The following PKD1L1 variants were observed in gnomAD, a reference collection of about 807,000 sequenced individuals.
PKD1L1 encodes polycystin 1 like 1, transient receptor potential channel interacting.
A neutral mutation model predicts 323.4 loss-of-function variants in PKD1L1; 236 were observed. The ratio of observed to expected loss-of-function variants is 0.73; its 90% confidence interval spans 0.66 to 0.81. PKD1L1 has a LOEUF of 0.81. Among genes scored for constraint, PKD1L1 ranks in the 40% least tolerant of loss-of-function variants. The pLI is 0.00. For missense variants in PKD1L1, 3,320 were observed against 3,508.0 expected, an observed-to-expected ratio of 0.95 and a Z score of 1.35; for synonymous variants, 1,344 against 1,335.0, an observed-to-expected ratio of 1.01 and a Z score of -0.15.
intron 8 of PKD1L1, among the ~76,000 whole-genome samples, chr7:47,914,018 A>G (rs1223311371): frequency 6.6e-6 from 1 of 152,196 alleles, no homozygotes; most frequent in East Asian, 1.9e-4. Flanking sequence ...TGAGAAAAAA[A>G]TGAGTAAAAT....
chr7:47,815,550 CT>C (rs1433558305), intron 46 of PKD1L1, 93 bp from the exon 47 acceptor site: 4 of 1,431,248 alleles, frequency 2.8e-6, no homozygotes, highest in Non-Finnish European at 3.8e-6. Context: ...CAATTTTTCT[CT>C]CATTCAGATT....
chr7:47,959,051 T>C, the PKD1L1 span, among the ~76,000 whole-genome samples: 1 of 152,278 alleles, frequency 6.6e-6, no homozygotes, highest in Non-Finnish European at 1.5e-5. Context: ...CTCCAGCTCC[T>C]AACTGCGAGT....
intron 46 of PKD1L1, among the ~76,000 whole-genome samples, chr7:47,816,243 T>C (rs1184654642): frequency 1.3e-5 from 2 of 152,358 alleles, no homozygotes; most frequent in Non-Finnish European, 2.9e-5. Flanking sequence ...CAAACACTAG[T>C]CTGTTTTCTT....
chr7:47,816,410 G>A (rs766328370), intron 46 of PKD1L1, among the ~76,000 whole-genome samples: 4 of 152,212 alleles, frequency 2.6e-5, no homozygotes, highest in Admixed American at 6.5e-5. Context: ...CCAAGGCTGT[G>A]CATGGCAGCA....
In PKD1L1 at chr7:47,839,013, G is replaced by A. The variant is rs1179630377; in HGVS notation, c.5769+433C>T. 6.6e-6 allele frequency among the ~76,000 whole-genome samples: 1 copy of A among 152,110 alleles called. No individual in the cohort carries two copies. The highest frequency in any genetic ancestry group is 2.4e-5 in the African/African-American group (1 of 41,416). On this transcript the variant is annotated intron_variant, in intron 36 of 56. Coordinates refer to ENST00000289672, the MANE Select transcript of PKD1L1 (RefSeq NM_138295.5). The surrounding 1 kb of genome is among the most constrained non-coding windows in gnomAD (Gnocchi z 4.3). ...ACGACTTCCATGGTTAGTTTGTGAG[G>A]TTATCTGTTATTCTGTCACTCTGGC...
In PKD1L1 at chr7:47,915,483, C is replaced by T. The variant is rs1233035616; in HGVS notation, c.1177G>A (p.Asp393Asn). 2 of 1,270,478 alleles carry T rather than the reference C, an allele frequency of 1.6e-6. No homozygotes were observed. The highest frequency in any genetic ancestry group is 2.9e-5 in the African/African-American group (2 of 67,914). 78.7% of individuals were successfully genotyped at this position (1,270,478 alleles called of 1,614,324 possible). Reference protein sequence around the residue: ...LCQSENSCLEDSDPSNLGYEL... With the variant: ...LCQSENSCLENSDPSNLGYEL... ...TATCCAAGGTTACTGGGGTCTGAGT[C>T]TTCCAGGCAGCTGTTTTCACTTTGG... Residue 393 changes from aspartate to asparagine, a missense_variant, in exon 8 of 57, where the codon GAC becomes AAC. By Grantham distance (23) the Asp-to-Asn change is conservative (BLOSUM62 1). Transcript: ENST00000289672.
chr7:47,960,746 A>G, the PKD1L1 span, among the ~76,000 whole-genome samples: 1 of 152,068 alleles, frequency 6.6e-6, no homozygotes, highest in East Asian at 1.9e-4. Context: ...AAAAGAAGAC[A>G]AGCAAATGGC....
intron 31 of PKD1L1, among the ~76,000 whole-genome samples, chr7:47,848,125 G>A (rs527248651): frequency 6.6e-6 from 1 of 152,226 alleles, no homozygotes; most frequent in Non-Finnish European, 1.5e-5. Context: ...GGGAAAACAG[G>A]CAGCTTCAGA....
intron 14 of PKD1L1, 77 bp downstream of exon 14, chr7:47,897,911 A>G: frequency 8.1e-7 from 1 of 1,235,712 alleles, no homozygotes; most frequent in Non-Finnish European, 1.1e-6. Flanking sequence ...TGAATTCCAA[A>G]TGCTGAGCTC....
chr7:47,878,968 G>A (rs1300193189), intron 21 of PKD1L1, among the ~76,000 whole-genome samples: 1 of 152,246 alleles, frequency 6.6e-6, no homozygotes, highest in Non-Finnish European at 1.5e-5. Context: ...GCCCAGCTAA[G>A]AGAACTGTCT....
chr7:47,960,788 C>G, the PKD1L1 span, among the ~76,000 whole-genome samples: 1 of 150,894 alleles, frequency 6.6e-6, no homozygotes, highest in Admixed American at 6.6e-5. Context: ...TTCAACATCA[C>G]TAATCATTAA....
At chr7:47,809,659 C>G in intron 50 of PKD1L1, 82 bp from the exon 51 acceptor site, 1 of 991,440 alleles carries the variant, frequency 1.0e-6, no homozygotes, top group South Asian at 1.8e-5. Flanking sequence ...GTGACCAGCT[C>G]CCCTGCCAAT....
intron 49 of PKD1L1, among the ~76,000 whole-genome samples, chr7:47,812,665 G>A (rs1278450590): frequency 6.6e-6 from 1 of 152,154 alleles, no homozygotes; most frequent in Non-Finnish European, 1.5e-5. Context: ...CTGGCTGGAT[G>A]GGGCAGGCGG....
chr7:47,914,327 C>G (rs369745458), intron 8 of PKD1L1, among the ~76,000 whole-genome samples: 1 of 152,178 alleles, frequency 6.6e-6, no homozygotes, highest in African/African-American at 2.4e-5. Flanking sequence ...TCACTAAACT[C>G]ACATATCTCA....
chr7:47,904,293 T>C, intron 12 of PKD1L1, 85 bp downstream of exon 12: 2 of 1,568,548 alleles, frequency 1.3e-6, no homozygotes, highest in Non-Finnish European at 1.7e-6. Context: ...GGCAGGTCTC[T>C]ATGTGGAACC....
intron 21 of PKD1L1, among the ~76,000 whole-genome samples, chr7:47,880,301 T>C (rs1033222251): frequency 1.6e-5 from 2 of 121,466 alleles, no homozygotes; most frequent in African/African-American, 7.0e-5. Context: ...TTTTTTTTTT[T>C]GAGACAGTCT....
intron 56 of PKD1L1, among the ~76,000 whole-genome samples, chr7:47,788,945 C>T (rs1786877546): frequency 1.3e-5 from 2 of 152,044 alleles, no homozygotes; most frequent in African/African-American, 4.8e-5. Context: ...ATTTAATACT[C>T]ATATGATCAT....
intron 30 of PKD1L1, 38 bp downstream of exon 30, chr7:47,854,836 AATATGTCT>A (rs1785860786): frequency 6.3e-7 from 1 of 1,588,632 alleles, no homozygotes; most frequent in South Asian, 1.1e-5. Flanking sequence ...TCTTAAGGAC[AATATGTCT>A]TACTCCAATC....
intron 45 of PKD1L1, among the ~76,000 whole-genome samples, chr7:47,826,417 C>A (rs1243261847): frequency 6.6e-6 from 1 of 152,194 alleles, no homozygotes; most frequent in Non-Finnish European, 1.5e-5. Flanking sequence ...CTCCCACTCT[C>A]CTTTAAATGT....
Sources: gnomAD v4.1 joint callset for allele counts (sites outside exome capture counted in the v4.1 genomes callset) on GRCh38, gnomAD v4.1.1 for gene constraint, Gnocchi (gnomAD v3.1) non-coding constraint, MANE v1.5 for transcripts, NCBI Gene and HGNC (gene_info 2026-07-23, HGNC 2026-07-21) for gene names.